DLGAP2: variants seen among roughly 807,000 people sequenced by gnomAD.
The protein encoded by DLGAP2 is DLG associated protein 2, also known as disks large-associated protein 2.
Under a neutral mutation model 100.3 loss-of-function variants are expected in DLGAP2, and 26 were observed. The ratio of observed to expected loss-of-function variants is 0.26; its 90% CI spans 0.19 to 0.36. The LOEUF is 0.36. Among genes scored for constraint, DLGAP2 ranks in the 10% least tolerant of loss-of-function variants. The pLI is 1.00. For missense variants in DLGAP2, 1,858 were observed against 1,453.2 expected (o/e 1.28, Z -4.53); for synonymous variants, 886 against 630.1 (o/e 1.41, Z -6.08).
intron 3 of DLGAP2, among the ~76,000 whole-genome samples, chr8:1,356,935 A>G (rs1363103884): frequency 1.3e-5 from 2 of 152,224 alleles, no homozygotes; most frequent in Non-Finnish European, 2.9e-5. Context: ...GCGCACGTTC[A>G]TTCGGCAAAC....
chr8:1,445,441 A>G (rs1427346116), intron 3 of DLGAP2, among the ~76,000 whole-genome samples: 1 of 151,856 alleles, frequency 6.6e-6, no homozygotes, highest in Admixed American at 6.6e-5. Flanking sequence ...ATGGCTGCAT[A>G]GTATTCCATG....
chr8:1,373,436 C>G (rs1037519066), intron 3 of DLGAP2, among the ~76,000 whole-genome samples: 1 of 152,142 alleles, frequency 6.6e-6, no homozygotes, highest in Non-Finnish European at 1.5e-5. Flanking sequence ...GGACGGGGGG[C>G]CGGACAGAGA....
intron 4 of DLGAP2, among the ~76,000 whole-genome samples, chr8:1,505,943 A>T (rs1799897601): frequency 6.6e-6 from 1 of 152,258 alleles, no homozygotes; most frequent in African/African-American, 2.4e-5. Context: ...AATTTTAAAA[A>T]GTTGGCAGAT....
intron 2 of DLGAP2, among the ~76,000 whole-genome samples, chr8:1,040,688 G>T (rs148689482): frequency 6.6e-6 from 1 of 151,646 alleles, no homozygotes; most frequent in African/African-American, 2.4e-5. Flanking sequence ...CTCGGTTTCC[G>T]TGGTCGGCTC....
intron 3 of DLGAP2, among the ~76,000 whole-genome samples, chr8:1,329,699 C>G (rs6993042): frequency 6.6e-6 from 1 of 152,110 alleles, no homozygotes; most frequent in South Asian, 2.1e-4. Context: ...GAAGATGAGC[C>G]GTGCGTGAGG....
chr8:1,493,994 G>A (rs561325723), intron 3 of DLGAP2, among the ~76,000 whole-genome samples: 56 of 152,300 alleles, frequency 3.7e-4, no homozygotes, highest in East Asian at 3.9e-4. Context: ...GGAGGGGCTG[G>A]CCTGCCATGC....
chr8:1,328,805 T>C lies in DLGAP2; in HGVS notation c.106+69922T>C, dbSNP rs1056472268. On this transcript the variant is annotated intron_variant, in intron 3 of 14. Transcript: ENST00000637795. ...TCGGGATGCCGCTTACGTATCGGGG[T>C]GTTTATGCAGAGCTGTGTTTCTGAG... Among the ~76,000 whole-genome samples, 3 of 152,080 alleles carry C rather than the reference T, an allele frequency of 2.0e-5. No individual in the cohort carries two copies. In the South Asian group the frequency reaches 6.2e-4, roughly 32 times the overall value.
intron 2 of DLGAP2, among the ~76,000 whole-genome samples, chr8:1,258,173 C>T (rs1033635257): frequency 6.6e-6 from 1 of 152,166 alleles, no homozygotes; most frequent in African/African-American, 2.4e-5. Context: ...CAGATTTGCT[C>T]ATAACTTTTG....
chr8:1,475,145 A>G (rs1243003497), intron 3 of DLGAP2, among the ~76,000 whole-genome samples: 1 of 152,176 alleles, frequency 6.6e-6, no homozygotes, highest in African/African-American at 2.4e-5. Context: ...GTTCTCACTC[A>G]TAAGTGGGAG....
intron 2 of DLGAP2, among the ~76,000 whole-genome samples, chr8:1,170,160 G>T (rs1458120921): frequency 6.6e-6 from 1 of 152,136 alleles, no homozygotes; most frequent in Non-Finnish European, 1.5e-5. Context: ...TTTGTCTTTG[G>T]TTCTGTTTAT....
At chr8:1,187,862 C>T (rs1279772272) in intron 2 of DLGAP2, among the ~76,000 whole-genome samples, 2 of 115,026 alleles carry the variant, frequency 1.7e-5, no homozygotes, top group Non-Finnish European at 3.3e-5. Flanking sequence ...CACCCGGGAC[C>T]CCCGTGACGT....
chr8:1,225,946 T>G (rs1391846103), intron 2 of DLGAP2, among the ~76,000 whole-genome samples: 1 of 152,184 alleles, frequency 6.6e-6, no homozygotes, highest in Non-Finnish European at 1.5e-5. Flanking sequence ...TATATATAAT[T>G]TTTCCTTTTC....
chr8:907,139 C>G (rs1798397411), intron 1 of DLGAP2, among the ~76,000 whole-genome samples: 1 of 152,164 alleles, frequency 6.6e-6, no homozygotes, highest in African/African-American at 2.4e-5. Context: ...GTAAATTGCC[C>G]TAGAACAGGT....
At chr8:1,317,327 G>A (rs1800780606) in intron 3 of DLGAP2, among the ~76,000 whole-genome samples, 1 of 131,296 alleles carries the variant, frequency 7.6e-6, no homozygotes, top group Non-Finnish European at 1.6e-5. Flanking sequence ...CTGTGCGAGT[G>A]CAGCGTCTCT....
chr8:1,123,730 T>C (rs1796102199), intron 2 of DLGAP2, among the ~76,000 whole-genome samples: 1 of 152,176 alleles, frequency 6.6e-6, no homozygotes, highest in Non-Finnish European at 1.5e-5. Flanking sequence ...TTCCTAGGTG[T>C]CTCTCCCTGC....
chr8:1,091,863 C>G (rs778194273), intron 2 of DLGAP2, among the ~76,000 whole-genome samples: 1 of 152,004 alleles, frequency 6.6e-6, no homozygotes, highest in Non-Finnish European at 1.5e-5. Flanking sequence ...CCTTTTCCCT[C>G]TTTCGCTCGT....
In DLGAP2 at chr8:1,706,487, C is replaced by T. The variant is rs1435502481; in HGVS notation, c.*5081C>T. ...GAATCCAGGCTGGTCGTAAACATCT[C>T]AGAGATAATCAGGGACCACCAGAGG... On this transcript the variant is annotated 3_prime_UTR_variant, in exon 15 of 15. Transcript: ENST00000637795. 1.3e-5 allele frequency: 2 copies of T among 152,192 alleles called. No homozygotes were observed. The highest frequency in any genetic ancestry group is 2.9e-5 in the Non-Finnish European group (2 of 68,058). The allele number at this position is 152,192 out of a possible 1,614,324, so 9.4% of individuals were successfully genotyped here. A position where few individuals can be genotyped will look rare whatever the true frequency, so the allele number is the denominator to read the frequency against.
chr8:1,485,959 G>A (rs543712372), intron 3 of DLGAP2, among the ~76,000 whole-genome samples: 73 of 152,248 alleles, frequency 4.8e-4, no homozygotes, highest in African/African-American at 1.7e-3. Context: ...CCCCGGAGGT[G>A]GAGGCTGCAG....
intron 2 of DLGAP2, among the ~76,000 whole-genome samples, chr8:1,187,094 A>G (rs563706250): frequency 1.3e-5 from 2 of 152,344 alleles, no homozygotes; most frequent in African/African-American, 4.8e-5. Flanking sequence ...GAGATGCATC[A>G]ATACGTTCAA....
Sources: allele counts gnomAD v4.1 joint callset (sites outside exome capture counted in the v4.1 genomes callset), GRCh38; gene constraint gnomAD v4.1.1; transcripts MANE v1.5; gene names NCBI Gene and HGNC (gene_info 2026-07-23, HGNC 2026-07-21).